Variants in POLDIP2 observed in about 807,000 individuals in gnomAD.
The protein encoded by POLDIP2 is polymerase delta-interacting protein 2.
Under a neutral mutation model 52.9 loss-of-function variants are expected in POLDIP2, and 32 were observed. That is an observed-to-expected ratio of 0.61 (90% CI 0.46 to 0.81). The LOEUF is 0.81. Ranked by LOEUF, POLDIP2 falls within the 40% of genes least tolerant of loss-of-function variation. POLDIP2 has a pLI of 0.00. For missense variants in POLDIP2, 371 were observed against 477.3 expected (o/e 0.78, Z 2.07); for synonymous variants, 183 against 183.0 (o/e 1.00, Z 0.00).
At position 28,353,852 on chromosome 17, in the gene POLDIP2, C is replaced by G; in HGVS notation, c.342-61G>C. ...GGAGAAATGGAAGCTGTGGCTGACT[C>G]AGCTCCCTACTCCTCCTCACCTAAA... On this transcript the variant is annotated intron_variant, in intron 3 of 10. Coordinates refer to ENST00000540200, the MANE Select transcript of POLDIP2 (RefSeq NM_015584.5). The G allele has an allele frequency of 5.6e-6, 6 of 1,076,778 alleles. No homozygotes were observed. In the South Asian group the frequency reaches 7.5e-5, roughly 13 times the overall value. 66.7% of individuals were successfully genotyped at this position (1,076,778 alleles called of 1,614,324 possible).
In POLDIP2 at chr17:28,348,125, G is replaced by C. The variant is rs374709330; in HGVS notation, c.1099C>G (p.His367Asp). 1.2e-6 allele frequency: 2 copies of C among 1,606,224 alleles called. No individual in the cohort carries two copies. The highest frequency in any genetic ancestry group is 2.2e-5 in the South Asian group (2 of 90,932). Residue 367 changes from histidine (H) to aspartate (D), a missense_variant, in exon 11 of 11, where the codon CAC (histidine) becomes GAC (aspartate). Physicochemically the swap from His to Asp is moderately conservative, Grantham distance 81. Coordinates refer to ENST00000540200, the MANE Select transcript of POLDIP2 (RefSeq NM_015584.5). ...KDEKTPPSGLHW is the reference protein window; with the variant it reads ...KDEKTPPSGLDW ...TTGGGGCCTCAGCTGGCCTACCAGT[G>C]AAGGCCTGAGGGTGGTGTCTTCTCA...
At position 28,351,841 on chromosome 17, in the gene POLDIP2, G is replaced by A. The variant is rs1555580030; in HGVS notation, c.623-41C>T. The A allele has an allele frequency of 5.1e-6, 8 of 1,573,812 alleles. No homozygotes were observed. The African/African-American group carries it at 6.7e-5, about 13-fold the overall frequency. ...ATTGGTTAGTCCAATTGTGTGTTGT[G>A]GATACAATTGTATCTAGTCCAATCA... is the stretch of plus-strand genomic sequence containing the variant. On this transcript the variant is annotated intron_variant, in intron 6 of 10. Transcript: ENST00000540200.
In POLDIP2 at chr17:28,353,686, CT is replaced by C; in HGVS notation, c.438+8del. Reference sequence around the variant, plus strand: ...AGGACCCCCAAGCCCAGCCATCTTGCTTACTTACTATATGTGGGCAGTCACG... The same window carrying C: ...AGGACCCCCAAGCCCAGCCATCTTGCTACTTACTATATGTGGGCAGTCACG... On this transcript the variant is annotated splice_region_variant and intron_variant, in intron 4 of 10. Transcript: ENST00000540200. The C allele has an allele frequency of 6.3e-7, 1 of 1,597,410 alleles. No homozygotes were observed. Among genetic ancestry groups the C allele is most frequent in the Middle Eastern group, 1.7e-4 (1 of 6,030 alleles).
rs369609322 is a variant in POLDIP2, at chr17:28,350,571, G to A, written c.787-8C>T. 285 of 1,607,196 alleles carry A rather than the reference G, an allele frequency of 1.8e-4. 1 individual carries two copies. Among genetic ancestry groups the A allele is most frequent in the African/African-American group, 1.6e-3 (122 of 74,616 alleles). On this transcript the variant is annotated splice_region_variant and splice_polypyrimidine_tract_variant and intron_variant, in intron 8 of 10. Transcript: ENST00000540200. ...ACGGATACAGTAGCGCCACTGAGGT[G>A]GGTGTGGGAGAGAGAGTTTAAAAAA...
Sources: allele counts gnomAD v4.1 joint callset, GRCh38; gene constraint gnomAD v4.1.1; transcripts MANE v1.5; gene names NCBI Gene and HGNC (gene_info 2026-07-23, HGNC 2026-07-21).